Variants in ZNF385D observed in about 807,000 individuals in gnomAD.
ZNF385D encodes the protein zinc finger protein 659.
In ZNF385D, 15 loss-of-function variants were observed where a neutral mutation model predicts 35.8. The observed-to-expected ratio is 0.42, with a 90% CI of 0.28 to 0.64. ZNF385D has a LOEUF of 0.64. Among genes scored for constraint, ZNF385D ranks in the 30% least tolerant of loss-of-function variants. The pLI is 0.23. For missense variants in ZNF385D, 474 were observed against 494.6 expected (o/e 0.96, Z 0.39); for synonymous variants, 212 against 186.8 (o/e 1.13, Z -1.10).
chr3:21,489,369 A>G (rs1038529496), intron 4 of ZNF385D, among the ~76,000 whole-genome samples: 1 of 152,132 alleles, frequency 6.6e-6, no homozygotes, highest in Non-Finnish European at 1.5e-5. Flanking sequence ...CCATAGACAG[A>G]GAAAGCTGGG....
intron 2 of ZNF385D, among the ~76,000 whole-genome samples, chr3:22,212,228 C>G (rs568419081): frequency 4.6e-5 from 7 of 152,104 alleles, no homozygotes; most frequent in Admixed American, 3.3e-4. Flanking sequence ...GACCATCAAA[C>G]GCTGCCTCAT....
rs527870538 is a variant in ZNF385D at position 21,643,467 on chromosome 3, C to T, written c.165+21419G>A. On this transcript the variant is annotated intron_variant, in intron 2 of 7. Coordinates refer to ENST00000281523, the MANE Select transcript of ZNF385D (RefSeq NM_024697.3). ...AAGGACTGGTGAAACAGCAAATACC[C>T]AGAGTTTCCTTGTGTTCACCATAGT... Among the ~76,000 whole-genome samples the T allele has an allele frequency of 3.9e-5, 6 of 152,234 alleles. No individual in the cohort carries two copies. In the South Asian group the frequency reaches 8.3e-4, roughly 21 times the overall value.
At chr3:22,194,704 A>C (rs1696290013) in intron 2 of ZNF385D, among the ~76,000 whole-genome samples, 1 of 151,862 alleles carries the variant, frequency 6.6e-6, no homozygotes, top group South Asian at 2.1e-4. Context: ...AATCTGTTCT[A>C]TGTCATTCGT....
chr3:22,189,804 T>A (rs1034351706), intron 2 of ZNF385D, among the ~76,000 whole-genome samples: 1 of 152,180 alleles, frequency 6.6e-6, no homozygotes, highest in African/African-American at 2.4e-5. Flanking sequence ...CAGCCATTAA[T>A]AGACACAGAC....
chr3:21,667,319 GC>G (rs1028665336), intron 1 of ZNF385D, among the ~76,000 whole-genome samples: 19 of 151,982 alleles, frequency 1.3e-4, no homozygotes, highest in Non-Finnish European at 2.6e-4. Context: ...ATGCCACCAT[GC>G]CCACCTAGTT....
At chr3:21,848,570 C>T (rs996906243) in intron 3 of ZNF385D, among the ~76,000 whole-genome samples, 6 of 151,720 alleles carry the variant, frequency 4.0e-5, no homozygotes, top group African/African-American at 1.5e-4. Flanking sequence ...ATCAATGCTA[C>T]AGAAATACAA....
intron 2 of ZNF385D, among the ~76,000 whole-genome samples, chr3:21,611,530 T>G (rs940285570): frequency 1.3e-5 from 2 of 152,242 alleles, no homozygotes; most frequent in Non-Finnish European, 2.9e-5. Context: ...TTATTTTCTC[T>G]CTATAAAGCA....
intron 2 of ZNF385D, among the ~76,000 whole-genome samples, chr3:22,287,307 A>G (rs1165121306): frequency 9.2e-5 from 14 of 151,908 alleles, no homozygotes; most frequent in Admixed American, 9.2e-4. Context: ...TTGAGTCTTG[A>G]TTTTTTATTC....
chr3:21,835,294 T>A (rs1575745584), intron 3 of ZNF385D, among the ~76,000 whole-genome samples: 1 of 151,974 alleles, frequency 6.6e-6, no homozygotes, highest in African/African-American at 2.4e-5. Context: ...ATAAATATAG[T>A]TCTTAGTACC....
At chr3:21,642,625 G>A (rs2065640633) in intron 2 of ZNF385D, among the ~76,000 whole-genome samples, 1 of 152,080 alleles carries the variant, frequency 6.6e-6, no homozygotes, top group African/African-American at 2.4e-5. Flanking sequence ...ATCGAAAGTG[G>A]TGACTCAGAC....
chr3:21,445,597 T>C (rs1270811500), intron 4 of ZNF385D, among the ~76,000 whole-genome samples: 3 of 152,186 alleles, frequency 2.0e-5, no homozygotes, highest in African/African-American at 4.8e-5. Context: ...ATCAATGTCT[T>C]ATCATGTCAG....
At chr3:22,145,008 ATATGTGTG>A (rs1204832878) in intron 3 of ZNF385D, among the ~76,000 whole-genome samples, 2 of 61,750 alleles carry the variant, frequency 3.2e-5, no homozygotes, top group African/African-American at 5.3e-5. Flanking sequence ...TTGAAGATAC[ATATGTGTG>A]TGTGTGTGTG....
At chr3:21,599,397 T>C (rs998295117) in intron 2 of ZNF385D, among the ~76,000 whole-genome samples, 2 of 152,248 alleles carry the variant, frequency 1.3e-5, no homozygotes, top group Non-Finnish European at 2.9e-5. Flanking sequence ...TTCTATTTTA[T>C]ACTTTACTTT....
chr3:21,653,735 A>T (rs2065990892), intron 2 of ZNF385D, among the ~76,000 whole-genome samples: 1 of 151,924 alleles, frequency 6.6e-6, no homozygotes. Context: ...TACTTAATGA[A>T]TTTTTTTACC....
intron 2 of ZNF385D, among the ~76,000 whole-genome samples, chr3:22,187,576 A>C (rs1470381658): frequency 6.6e-6 from 1 of 152,148 alleles, no homozygotes; most frequent in Admixed American, 6.6e-5. Context: ...GAATGAAGTT[A>C]GTGAAGAAAC....
At chr3:22,059,226 A>G (rs1699568914) in intron 3 of ZNF385D, among the ~76,000 whole-genome samples, 2 of 152,174 alleles carry the variant, frequency 1.3e-5, no homozygotes, top group Admixed American at 6.5e-5. Flanking sequence ...CTTCTCATTC[A>G]GTGACAGGTG....
intron 3 of ZNF385D, among the ~76,000 whole-genome samples, chr3:21,792,293 C>A (rs2071962752): frequency 6.6e-6 from 1 of 152,092 alleles, no homozygotes; most frequent in South Asian, 2.1e-4. Context: ...AAAAGAAGAA[C>A]CTGGAGATTT....
intron 2 of ZNF385D, among the ~76,000 whole-genome samples, chr3:22,302,718 T>C (rs1225711502): frequency 1.3e-5 from 2 of 152,124 alleles, no homozygotes; most frequent in African/African-American, 4.8e-5. Context: ...ATTGTATTCT[T>C]GCACATGGCT....
chr3:21,804,227 T>G (rs1434333117), intron 3 of ZNF385D, among the ~76,000 whole-genome samples: 1 of 152,192 alleles, frequency 6.6e-6, no homozygotes, highest in Non-Finnish European at 1.5e-5. Flanking sequence ...AAGAACAGTA[T>G]TTTTATATCA....
Sources: allele counts gnomAD v4.1 joint callset (sites outside exome capture counted in the v4.1 genomes callset), GRCh38; gene constraint gnomAD v4.1.1; transcripts MANE v1.5; gene names NCBI Gene and HGNC (gene_info 2026-07-23, HGNC 2026-07-21).